The following ARRB1 variants were observed in gnomAD, a reference collection of about 807,000 sequenced individuals.
The protein encoded by ARRB1 is arrestin beta 1.
A neutral mutation model predicts 56.8 loss-of-function variants in ARRB1; 21 were observed. The ratio of observed to expected loss-of-function variants is 0.37; its 90% confidence interval spans 0.26 to 0.53. ARRB1 has a LOEUF of 0.53. Ranked by LOEUF, ARRB1 falls within the 20% of genes least tolerant of loss-of-function variation. The pLI, the probability that ARRB1 is intolerant of heterozygous loss-of-function variation, is 0.88. For missense variants in ARRB1, 424 were observed against 553.7 expected (o/e 0.77, Z 2.35); for synonymous variants, 210 against 218.6 (o/e 0.96, Z 0.35).
chr11:75,323,132 G>A (rs1178020834), intron 1 of ARRB1, among the ~76,000 whole-genome samples: 1 of 152,230 alleles, frequency 6.6e-6, no homozygotes, highest in East Asian at 1.9e-4. Context: ...GCAACCAGCT[G>A]CTCCAGCCCA....
At chr11:75,338,664 T>A (rs1947648915) in intron 1 of ARRB1, among the ~76,000 whole-genome samples, 1 of 152,208 alleles carries the variant, frequency 6.6e-6, no homozygotes, top group South Asian at 2.1e-4. Context: ...TTGTTTCAAG[T>A]ATGCACAGTG....
intron 1 of ARRB1, among the ~76,000 whole-genome samples, chr11:75,345,897 C>T (rs1338432799): frequency 1.3e-5 from 2 of 152,180 alleles, no homozygotes; most frequent in Non-Finnish European, 1.5e-5. Context: ...CAAACCTCTG[C>T]CAGGCATCTC....
chr11:75,276,091 T>TGAA (rs1946194990), intron 10 of ARRB1, among the ~76,000 whole-genome samples: 1 of 152,210 alleles, frequency 6.6e-6, no homozygotes, highest in Admixed American at 6.5e-5. Flanking sequence ...GGCCATGTAG[T>TGAA]AACATTTTAA....
chr11:75,290,350 A>G (rs571664839), intron 1 of ARRB1, among the ~76,000 whole-genome samples: 9 of 152,048 alleles, frequency 5.9e-5, no homozygotes, highest in Non-Finnish European at 1.3e-4. Context: ...GGCATGCTGT[A>G]AGGTCTGTGT....
intron 1 of ARRB1, among the ~76,000 whole-genome samples, chr11:75,342,785 CAGAG>C (rs1947710652): frequency 3.9e-5 from 6 of 152,166 alleles, no homozygotes. Flanking sequence ...ACCAAGTAGA[CAGAG>C]AGGCGCAGCA....
chr11:75,301,281 C>T (rs953809276), intron 1 of ARRB1, among the ~76,000 whole-genome samples: 2 of 152,176 alleles, frequency 1.3e-5, no homozygotes, highest in Non-Finnish European at 2.9e-5. Flanking sequence ...CAGGAGACAG[C>T]GAGCCTCTGG....
At chr11:75,335,983 CA>C (rs1189153119) in intron 1 of ARRB1, among the ~76,000 whole-genome samples, 1 of 152,176 alleles carries the variant, frequency 6.6e-6, no homozygotes, top group African/African-American at 2.4e-5. Context: ...CGTGACAACT[CA>C]CAGATACCCT....
At chr11:75,293,681 CA>C (rs1946659911) in intron 1 of ARRB1, among the ~76,000 whole-genome samples, 1 of 152,164 alleles carries the variant, frequency 6.6e-6, no homozygotes, top group African/African-American at 2.4e-5. Flanking sequence ...TCAGTGGAGA[CA>C]AGGAACAGAA....
At chr11:75,339,597 C>T (rs1441316019) in intron 1 of ARRB1, among the ~76,000 whole-genome samples, 7 of 152,190 alleles carry the variant, frequency 4.6e-5, no homozygotes, top group African/African-American at 1.2e-4. Flanking sequence ...CCAACCAGGT[C>T]GTGAGTCCCT....
Position 75,260,911 on chromosome 11 carries a change from A to G in ARRB1, c.*5252T>C, listed in dbSNP as rs1277865938. ...TTTCCATCCATCCGGCGCTGTGTAA[A>G]GATGAATTTAACCCTAGCCTCTCTC... On this transcript the variant is annotated 3_prime_UTR_variant, in exon 16 of 16. Transcript: ENST00000420843. 6.6e-6 allele frequency: 1 copy of G among 152,092 alleles called. No homozygotes were observed. Among genetic ancestry groups the G allele is most frequent in the East Asian group, 1.9e-4 (1 of 5,182 alleles). 9.4% of individuals were successfully genotyped at this position (152,092 alleles called of 1,614,324 possible).
rs2140388813 is a variant in ARRB1 at position 75,265,437 on chromosome 11, A to G, written c.*726T>C. On this transcript the variant is annotated 3_prime_UTR_variant, in exon 16 of 16. Coordinates refer to ENST00000420843, the MANE Select transcript of ARRB1 (RefSeq NM_004041.5). The stretch of plus-strand genomic sequence containing the variant: ...GGGCCATGCACTTGAAATACAAGGT[A>G]GCTAAGATGTCACAGCCTGACAGTA... 6.6e-6 allele frequency: 1 copy of G among 151,034 alleles called. No homozygotes were observed. The highest frequency in any genetic ancestry group is 2.0e-4 in the East Asian group (1 of 5,014). 9.4% of individuals were successfully genotyped at this position (151,034 alleles called of 1,614,324 possible). A position where few individuals can be genotyped will look rare whatever the true frequency, so the allele number is the denominator to read the frequency against.
intron 3 of ARRB1, among the ~76,000 whole-genome samples, chr11:75,284,842 G>A (rs969877544): frequency 5.3e-5 from 8 of 152,122 alleles, no homozygotes; most frequent in African/African-American, 1.9e-4. Flanking sequence ...GGCAGAGGCT[G>A]CAGTGAGCTG....
chr11:75,277,296 C>T, intron 9 of ARRB1, 68 bp downstream of exon 9: 1 of 1,480,788 alleles, frequency 6.8e-7, no homozygotes, highest in Non-Finnish European at 9.4e-7. Context: ...GGAGATACTT[C>T]AGCCACCCCC....
At chr11:75,273,654 A>C (rs1229665434) in intron 11 of ARRB1, among the ~76,000 whole-genome samples, 1 of 151,170 alleles carries the variant, frequency 6.6e-6, no homozygotes, top group Non-Finnish European at 1.5e-5. Flanking sequence ...ACTGTGCAGC[A>C]GGAGTGACCA....
intron 12 of ARRB1, among the ~76,000 whole-genome samples, chr11:75,272,024 C>G (rs1196315578): frequency 2.0e-5 from 3 of 152,174 alleles, no homozygotes; most frequent in African/African-American, 7.2e-5. Flanking sequence ...CCAAGGGAGG[C>G]CGGACTATCT....
chr11:75,310,949 G>C (rs538853110), intron 1 of ARRB1, among the ~76,000 whole-genome samples: 1 of 152,114 alleles, frequency 6.6e-6, no homozygotes, highest in Non-Finnish European at 1.5e-5. Context: ...GGAGCAGAAG[G>C]GTCTGTTACA....
At position 75,269,018 on chromosome 11, in the gene ARRB1, A is replaced by C. The variant is rs759828532; in HGVS notation, c.1023-59T>G. The C allele has an allele frequency of 6.4e-6, 10 of 1,556,202 alleles. No individual in the cohort carries two copies. In the East Asian group the frequency reaches 2.0e-4, roughly 32 times the overall value. On this transcript the variant is annotated intron_variant, in intron 13 of 15. Transcript: ENST00000420843. ...GCGGACTCACAGGCTGTGAGACTTGATGTCGATGCCCTGTCAGTCCGAGGA... is the reference window on the plus strand; with the variant it reads ...GCGGACTCACAGGCTGTGAGACTTGCTGTCGATGCCCTGTCAGTCCGAGGA...
chr11:75,330,909 C>A (rs933231155), intron 1 of ARRB1, among the ~76,000 whole-genome samples: 1 of 152,256 alleles, frequency 6.6e-6, no homozygotes, highest in African/African-American at 2.4e-5. Flanking sequence ...GACAGCCATT[C>A]ATTCAACAAA....
At chr11:75,329,831 A>G (rs548181748) in intron 1 of ARRB1, among the ~76,000 whole-genome samples, 1 of 152,116 alleles carries the variant, frequency 6.6e-6, no homozygotes, top group Non-Finnish European at 1.5e-5. Flanking sequence ...CATCTCTACA[A>G]AAAATTTTAA....
Sources: allele counts gnomAD v4.1 joint callset (sites outside exome capture counted in the v4.1 genomes callset), GRCh38; gene constraint gnomAD v4.1.1; transcripts MANE v1.5; gene names NCBI Gene and HGNC (gene_info 2026-07-23, HGNC 2026-07-21).